The following B3GLCT variants were observed in gnomAD, a reference collection of about 807,000 sequenced individuals.
The protein encoded by B3GLCT is beta 3-glucosyltransferase.
A neutral mutation model predicts 63.4 loss-of-function variants in B3GLCT; 65 were observed. The ratio of observed to expected loss-of-function variants is 1.03; its 90% CI spans 0.84 to 1.26. The LOEUF (loss-of-function observed/expected upper bound fraction) is 1.26, where lower values mean the gene tolerates loss of function less well. Among genes scored for constraint, B3GLCT ranks in the 50% most tolerant of loss-of-function variants. The pLI, the probability that B3GLCT is intolerant of heterozygous loss-of-function variation, is 0.00. For missense variants in B3GLCT, 577 were observed against 604.8 expected (o/e 0.95, Z 0.48); for synonymous variants, 233 against 219.2 (o/e 1.06, Z -0.55).
Position 31,274,594 on chromosome 13 carries a change from G to C in B3GLCT, c.746G>C (p.Cys249Ser). Residue 249 changes from cysteine (C) to serine (S), a missense_variant, in exon 9 of 15, where the codon TGT (cysteine) becomes TCT (serine). By Grantham distance (112) the Cys-to-Ser change is moderately radical. Transcript: ENST00000343307. ...EFCTNDVDFY[C>S]ATTFHSFLPL... is the part of the protein sequence containing the mutation. ...TGTACCAATGACGTGGACTTCTACT[G>C]TGCTACCACATTCCATTCTTTTCTA... 1 of 1,614,206 alleles carries C rather than the reference G, an allele frequency of 6.2e-7. No homozygotes were observed. The highest frequency in any genetic ancestry group is 1.3e-5 in the African/African-American group (1 of 75,058).
intron 12 of B3GLCT, among the ~76,000 whole-genome samples, chr13:31,291,819 C>A (rs1444353112): frequency 6.6e-6 from 1 of 152,132 alleles, no homozygotes; most frequent in Non-Finnish European, 1.5e-5. Context: ...CTTTCTCTTC[C>A]TTATTGCCCT....
At position 31,243,026 on chromosome 13, in the gene B3GLCT, C is replaced by T. The variant is rs139939632; in HGVS notation, c.271-3997C>T. ...ACAGATCTCTGTTATCCTCATAAGA[C>T]ATACGTACCTCTTACAGAAGAAATT... On this transcript the variant is annotated intron_variant, in intron 4 of 14. Transcript: ENST00000343307. Among the ~76,000 whole-genome samples the T allele has an allele frequency of 4.7e-4, 72 of 152,284 alleles. 1 individual carries two copies. In the East Asian group the frequency reaches 0.013, roughly 29 times the overall value.
chr13:31,296,687 T>C (rs1316700812), intron 12 of B3GLCT, among the ~76,000 whole-genome samples: 1 of 72,616 alleles, frequency 1.4e-5, no homozygotes, highest in African/African-American at 4.2e-5. Flanking sequence ...GGAGAAATAC[T>C]GTAAAATTAT....
At chr13:31,214,921 C>A in intron 1 of B3GLCT, 130 bp from the exon 2 acceptor site, 1 of 839,436 alleles carries the variant, frequency 1.2e-6, no homozygotes, top group Non-Finnish European at 1.8e-6. Flanking sequence ...AGCAATGCAG[C>A]TGCTTAAAAA....
intron 3 of B3GLCT, among the ~76,000 whole-genome samples, chr13:31,228,875 T>C (rs1870230052): frequency 6.6e-6 from 1 of 152,236 alleles, no homozygotes; most frequent in Non-Finnish European, 1.5e-5. Flanking sequence ...GGAAGATTAG[T>C]GTTCTAGATA....
chr13:31,325,117 GTGTT>G (rs1394909205), intron 14 of B3GLCT, among the ~76,000 whole-genome samples: 2 of 152,206 alleles, frequency 1.3e-5, no homozygotes, highest in Admixed American at 6.5e-5. Flanking sequence ...GACTAAGAAA[GTGTT>G]TGCATCATCA....
intron 12 of B3GLCT, among the ~76,000 whole-genome samples, chr13:31,300,173 T>A (rs1242105344): frequency 2.0e-5 from 3 of 152,106 alleles, no homozygotes; most frequent in Non-Finnish European, 4.4e-5. Context: ...ATCCAGTGGC[T>A]CCTCACATAG....
At chr13:31,249,971 T>C (rs2137810028) in intron 6 of B3GLCT, among the ~76,000 whole-genome samples, 1 of 152,354 alleles carries the variant, frequency 6.6e-6, no homozygotes, top group South Asian at 2.1e-4. Flanking sequence ...CATCATCATC[T>C]TTCAGTCATT....
intron 6 of B3GLCT, among the ~76,000 whole-genome samples, chr13:31,253,527 A>T (rs546817199): frequency 1.0e-4 from 14 of 134,056 alleles, no homozygotes; most frequent in Non-Finnish European, 1.7e-4. Context: ...CGGCAGGTGG[A>T]GCTTGCAGCA....
intron 6 of B3GLCT, among the ~76,000 whole-genome samples, chr13:31,255,411 A>G (rs1016918975): frequency 6.6e-6 from 1 of 152,252 alleles, no homozygotes; most frequent in Non-Finnish European, 1.5e-5. Context: ...TATCCTCATC[A>G]AGCTACCATT....
chr13:31,295,824 A>G (rs957675865), intron 12 of B3GLCT, among the ~76,000 whole-genome samples: 2 of 152,080 alleles, frequency 1.3e-5, no homozygotes, highest in Non-Finnish European at 2.9e-5. Flanking sequence ...GGGAGTGAAC[A>G]GTTCTGTCTC....
At chr13:31,318,795 C>T (rs1875187127) in intron 13 of B3GLCT, among the ~76,000 whole-genome samples, 1 of 152,194 alleles carries the variant, frequency 6.6e-6, no homozygotes. Flanking sequence ...CAGGATGTTC[C>T]ACTTTGAAAG....
intron 14 of B3GLCT, among the ~76,000 whole-genome samples, chr13:31,324,415 A>G (rs1593323159): frequency 1.3e-5 from 2 of 152,326 alleles, no homozygotes; most frequent in African/African-American, 4.8e-5. Context: ...TCTGAGGGTT[A>G]TGGAAAAGAA....
At chr13:31,255,309 A>G (rs1432775254) in intron 6 of B3GLCT, among the ~76,000 whole-genome samples, 1 of 152,180 alleles carries the variant, frequency 6.6e-6, no homozygotes, top group Non-Finnish European at 1.5e-5. Context: ...AGAGGACACA[A>G]ACAAATGGAA....
At chr13:31,241,407 C>G (rs952221456) in intron 4 of B3GLCT, among the ~76,000 whole-genome samples, 22 of 152,192 alleles carry the variant, frequency 1.4e-4, no homozygotes, top group African/African-American at 4.1e-4. Context: ...CCAGCACATG[C>G]AAGTGTGCAG....
intron 12 of B3GLCT, among the ~76,000 whole-genome samples, chr13:31,314,578 C>T (rs899132196): frequency 6.6e-6 from 1 of 152,164 alleles, no homozygotes; most frequent in African/African-American, 2.4e-5. Context: ...AATGCCTATA[C>T]CCCCATTGTA....
chr13:31,271,963 A>G (rs1872588970), intron 8 of B3GLCT, among the ~76,000 whole-genome samples: 1 of 152,104 alleles, frequency 6.6e-6, no homozygotes, highest in Non-Finnish European at 1.5e-5. Context: ...TGTTGACATG[A>G]ATATTTCAAT....
intron 4 of B3GLCT, among the ~76,000 whole-genome samples, chr13:31,235,060 G>A (rs1870579981): frequency 6.6e-6 from 1 of 152,074 alleles, no homozygotes; most frequent in Non-Finnish European, 1.5e-5. Flanking sequence ...AGAAGCCCTG[G>A]GCTGGGGACA....
Position 31,286,632 on chromosome 13 carries a change from G to C in B3GLCT, c.965-88G>C, listed in dbSNP as rs9543606. 219,189 of 967,822 alleles carry C rather than the reference G, an allele frequency of 0.23. 25,277 individuals carry two copies. Among genetic ancestry groups the C allele is most frequent in the East Asian group, 0.24 (9,097 of 37,346 alleles). 60.0% of individuals were successfully genotyped at this position (967,822 alleles called of 1,614,324 possible). The stretch of plus-strand genomic sequence containing the variant: ...CTGCATTTTGGCATGTAAGCTCTTA[G>C]AACACTTCAAAACTAAAAAGAAATG... On this transcript the variant is annotated intron_variant, in intron 11 of 14. Coordinates refer to ENST00000343307, the MANE Select transcript of B3GLCT (RefSeq NM_194318.4).
Sources: gnomAD v4.1 joint callset for allele counts (sites outside exome capture counted in the v4.1 genomes callset) on GRCh38, gnomAD v4.1.1 for gene constraint, MANE v1.5 for transcripts, NCBI Gene and HGNC (gene_info 2026-07-23, HGNC 2026-07-21) for gene names.